NRG1: variants seen among roughly 807,000 people sequenced by gnomAD.
NRG1 encodes neuregulin 1.
A neutral mutation model predicts 63.8 loss-of-function variants in NRG1; 18 were observed. The observed-to-expected ratio is 0.28, with a 90% CI of 0.19 to 0.42. NRG1 has a LOEUF of 0.42. NRG1 is among the 10% of genes least tolerant of loss of function. The pLI, the probability that NRG1 is intolerant of heterozygous loss-of-function variation, is 1.00. For missense variants in NRG1, 762 were observed against 814.7 expected (o/e 0.94, Z 0.79); for synonymous variants, 302 against 301.3 (o/e 1.00, Z -0.02).
chr8:31,667,530 A>G (rs1806675841), intron 1 of NRG1, among the ~76,000 whole-genome samples: 1 of 152,164 alleles, frequency 6.6e-6, no homozygotes, highest in Non-Finnish European at 1.5e-5. Context: ...CAGGGGTACT[A>G]CATTTGTAAA....
chr8:31,868,952 T>C (rs1357861529), intron 1 of NRG1, among the ~76,000 whole-genome samples: 7 of 152,208 alleles, frequency 4.6e-5, no homozygotes, highest in Non-Finnish European at 7.3e-5. Flanking sequence ...TTCACAGATA[T>C]TTGTGAGTCT....
intron 1 of NRG1, among the ~76,000 whole-genome samples, chr8:32,368,617 A>G (rs1206847569): frequency 6.6e-6 from 1 of 152,136 alleles, no homozygotes; most frequent in Non-Finnish European, 1.5e-5. Context: ...TTCACCTGCT[A>G]ATTTAGCTTG....
intron 1 of NRG1, among the ~76,000 whole-genome samples, chr8:32,478,264 T>TG (rs33917513): frequency 0.62 from 94,610 of 151,958 alleles, 29,697 homozygotes; most frequent in East Asian, 0.79. Flanking sequence ...TTCTTCCATG[T>TG]GGGGGGGCCT....
At chr8:32,663,803 C>A (rs2439321) in intron 5 of NRG1, among the ~76,000 whole-genome samples, 43,201 of 151,974 alleles carry the variant, frequency 0.28, 7,601 homozygotes, top group Non-Finnish European at 0.4. Flanking sequence ...CCTGCAAATA[C>A]CAAGTACTCA....
At chr8:32,699,118 C>T (rs961066341) in intron 5 of NRG1, among the ~76,000 whole-genome samples, 1 of 152,180 alleles carries the variant, frequency 6.6e-6, no homozygotes, top group Non-Finnish European at 1.5e-5. Flanking sequence ...TGCATTCTCT[C>T]GATTCCATCC....
chr8:32,355,287 C>T (rs940872227), intron 1 of NRG1, among the ~76,000 whole-genome samples: 2 of 151,916 alleles, frequency 1.3e-5, no homozygotes, highest in Non-Finnish European at 2.9e-5. Context: ...GATGAAACCC[C>T]ATCTCTACTA....
chr8:32,272,866 A>C (rs1401057623), intron 1 of NRG1, among the ~76,000 whole-genome samples: 4 of 152,188 alleles, frequency 2.6e-5, no homozygotes, highest in Non-Finnish European at 4.4e-5. Flanking sequence ...TCTTAGCTAG[A>C]AACACCTATT....
intron 1 of NRG1, among the ~76,000 whole-genome samples, chr8:31,724,477 A>G (rs1464995177): frequency 6.6e-6 from 1 of 152,164 alleles, no homozygotes; most frequent in African/African-American, 2.4e-5. Flanking sequence ...CAAGTGTGTT[A>G]GTTAATATCA....
intron 1 of NRG1, among the ~76,000 whole-genome samples, chr8:31,712,872 T>G (rs1223879602): frequency 6.6e-6 from 1 of 152,074 alleles, no homozygotes; most frequent in Non-Finnish European, 1.5e-5. Context: ...CATTAGGTGG[T>G]TCCACAGAGA....
At chr8:32,588,385 CGTGTAGCAGTTAATT>C (rs1563715842) in intron 1 of NRG1, among the ~76,000 whole-genome samples, 1 of 152,088 alleles carries the variant, frequency 6.6e-6, no homozygotes, top group Non-Finnish European at 1.5e-5. Context: ...TTTCAGTCAT[CGTGTAGCAGTTAATT>C]GTGAGAAGTG....
intron 1 of NRG1, among the ~76,000 whole-genome samples, chr8:32,512,236 T>C (rs1829304127): frequency 6.6e-6 from 1 of 152,212 alleles, no homozygotes; most frequent in South Asian, 2.1e-4. Flanking sequence ...TTGGACAATA[T>C]ACATGTAGAA....
intron 5 of NRG1, among the ~76,000 whole-genome samples, chr8:32,668,058 CA>C (rs1319424023): frequency 1.3e-5 from 2 of 151,854 alleles, no homozygotes. Flanking sequence ...GCTAAAGATA[CA>C]AAAATTAGCC....
intron 5 of NRG1, among the ~76,000 whole-genome samples, chr8:32,640,433 T>TGCTCTAGGTACTGGG (rs1852143477): frequency 1.3e-5 from 2 of 152,170 alleles, no homozygotes; most frequent in Non-Finnish European, 2.9e-5. Flanking sequence ...GTGCCAGGCA[T>TGCTCTAGGTACTGGG]GCTCTAGGTA....
intron 1 of NRG1, among the ~76,000 whole-genome samples, chr8:32,509,126 A>G (rs1177364351): frequency 6.7e-6 from 1 of 149,190 alleles, no homozygotes. Context: ...TTTTTGCGAC[A>G]GGGTCTGGCT....
At chr8:31,813,529 T>TGTTTTG (rs1554540802) in intron 1 of NRG1, among the ~76,000 whole-genome samples, 2 of 140,680 alleles carry the variant, frequency 1.4e-5, no homozygotes, top group Non-Finnish European at 3.1e-5. Flanking sequence ...TTTTTTTTTT[T>TGTTTTG]TTTTGTTTTT....
intron 1 of NRG1, among the ~76,000 whole-genome samples, chr8:31,730,697 A>C (rs902988205): frequency 1.3e-5 from 2 of 152,176 alleles, no homozygotes; most frequent in African/African-American, 4.8e-5. Context: ...GTAGGGAAAG[A>C]TGCTCAGAGC....
rs527758317 is a variant in NRG1 at position 31,828,509 on chromosome 8, C to T, written c.37+189078C>T. ...TGCTCGACTGGGTCCAATAATCCCC[C>T]GAGGCTCAGGTCTCTGATTGCATTT... On this transcript the variant is annotated intron_variant, in intron 1 of 10. Coordinates refer to the NRG1 transcript ENST00000519301. Among the ~76,000 whole-genome samples, 8 of 152,242 alleles carry T rather than the reference C, an allele frequency of 5.3e-5. No individual in the cohort carries two copies. The South Asian group carries it at 1.0e-3, about 20-fold the overall frequency.
chr8:32,205,956 A>C (rs1844019502), intron 1 of NRG1, among the ~76,000 whole-genome samples: 1 of 151,648 alleles, frequency 6.6e-6, no homozygotes, highest in Admixed American at 6.6e-5. Context: ...AAAAAAATAC[A>C]AATTAGCCAT....
chr8:32,545,476 GT>G (rs33978908), upstream of NRG1, among the ~76,000 whole-genome samples: 28,904 of 149,366 alleles, frequency 0.19, 2,841 homozygotes, highest in Non-Finnish European at 0.21. Flanking sequence ...ATACAATTGG[GT>G]TTTTTTTTTA....
Sources: gnomAD v4.1 joint callset for allele counts (sites outside exome capture counted in the v4.1 genomes callset) on GRCh38, gnomAD v4.1.1 for gene constraint, MANE v1.5 for transcripts, NCBI Gene and HGNC (gene_info 2026-07-23, HGNC 2026-07-21) for gene names.